MYO10: variants seen among roughly 807,000 people sequenced by gnomAD.
The protein encoded by MYO10 is unconventional myosin-X.
In MYO10, 133 loss-of-function variants were observed where a neutral mutation model predicts 257.3. That is an observed-to-expected ratio of 0.52 (90% CI 0.45 to 0.60). The LOEUF (loss-of-function observed/expected upper bound fraction) is 0.60, where lower values mean the gene tolerates loss of function less well. Among genes scored for constraint, MYO10 ranks in the 20% least tolerant of loss-of-function variants. MYO10 has a pLI of 0.00. For synonymous variants in MYO10, 1,104 were observed against 1,028.6 expected (o/e 1.07, Z -1.40); for missense variants, 2,399 against 2,635.7 (o/e 0.91, Z 1.97).
chr5:16,690,286 T>C (rs371879929), intron 27 of MYO10, among the ~76,000 whole-genome samples: 3 of 152,210 alleles, frequency 2.0e-5, no homozygotes, highest in African/African-American at 7.2e-5. Flanking sequence ...CATCCTTTTA[T>C]AGCAGGAACT....
intron 27 of MYO10, among the ~76,000 whole-genome samples, chr5:16,691,935 T>C (rs139553341): frequency 3.2e-4 from 48 of 152,204 alleles, no homozygotes; most frequent in Non-Finnish European, 6.0e-4. Flanking sequence ...CTAGAAACCA[T>C]GGGATAAGCG....
chr5:16,668,368 TG>T lies in MYO10; in HGVS notation c.5983del (p.Gln1995SerfsTer39). 2.5e-6 allele frequency: 4 copies of T among 1,614,020 alleles called. No individual in the cohort carries two copies. Among genetic ancestry groups the T allele is most frequent in the Non-Finnish European group, 3.4e-6 (4 of 1,179,894 alleles). On this transcript the variant is annotated frameshift_variant, in exon 40 of 41. Coordinates refer to ENST00000513610, the MANE Select transcript of MYO10 (RefSeq NM_012334.3). LOFTEE classifies it high-confidence loss of function. ...CCCAAAAGAGAGGATGTGTTCATAC[TG>T]GAAGACTTCCAGTGGTCTTCCCTCT... ...RGEGRPLEVF[Q>X]YEHILSFGAP... is the part of the protein sequence containing the mutation.
At chr5:16,879,391 ACTC>A (rs1475864492) in intron 1 of MYO10, among the ~76,000 whole-genome samples, 1 of 152,108 alleles carries the variant, frequency 6.6e-6, no homozygotes, top group Non-Finnish European at 1.5e-5. Context: ...ACACCAGTAA[ACTC>A]CTCATTTTAC....
chr5:16,804,908 C>T (rs1742226970), intron 3 of MYO10, among the ~76,000 whole-genome samples: 3 of 151,934 alleles, frequency 2.0e-5, no homozygotes. Context: ...GAGACCCCAC[C>T]TCAAAAAAAA....
intron 2 of MYO10, among the ~76,000 whole-genome samples, chr5:16,853,292 T>C (rs976631820): frequency 6.6e-6 from 1 of 151,440 alleles, no homozygotes; most frequent in East Asian, 1.9e-4. Flanking sequence ...GAGAATGGCA[T>C]GAACCCGAGA....
intron 28 of MYO10, among the ~76,000 whole-genome samples, chr5:16,688,812 T>A (rs994632665): frequency 1.3e-5 from 2 of 151,312 alleles, no homozygotes; most frequent in Non-Finnish European, 2.9e-5. Context: ...CCCTGCAGAC[T>A]CACAAACTCA....
chr5:16,788,583 C>T (rs1741662106), intron 4 of MYO10, among the ~76,000 whole-genome samples: 1 of 152,124 alleles, frequency 6.6e-6, no homozygotes, highest in African/African-American at 2.4e-5. Context: ...CCTGAGACAT[C>T]TCAGTGATGA....
At chr5:16,699,422 C>G (rs771914393) in intron 26 of MYO10, 28 bp downstream of exon 26, 1 of 1,610,528 alleles carries the variant, frequency 6.2e-7, no homozygotes, top group Non-Finnish European at 8.5e-7. Context: ...TCCCCCTAAC[C>G]CAGACTCCAT....
chr5:16,934,961 CT>C (rs1746393377), intron 1 of MYO10, among the ~76,000 whole-genome samples: 1 of 152,164 alleles, frequency 6.6e-6, no homozygotes, highest in Non-Finnish European at 1.5e-5. Context: ...CTTTGAGCCA[CT>C]TCAAACCTCA....
chr5:16,761,437 T>C, intron 17 of MYO10, 27 bp downstream of exon 17: 1 of 1,531,708 alleles, frequency 6.5e-7, no homozygotes, highest in Non-Finnish European at 9.0e-7. Context: ...GCTTGCTAAG[T>C]ACTTCTCGGT....
At chr5:16,748,621 AGAGG>A (rs34338717) in intron 19 of MYO10, among the ~76,000 whole-genome samples, 30,771 of 135,394 alleles carry the variant, frequency 0.23, 4,144 homozygotes, top group African/African-American at 0.39. Flanking sequence ...AGAGAGGGAG[AGAGG>A]GAGGGAGGGA....
Position 16,666,490 on chromosome 5 carries a change from AC to A in MYO10, c.*201del, listed in dbSNP as rs1736173968. ...TAGTAAAGCTTTGGAAACTGTGCAG[AC>A]TGTTAAAGTTGACAGCTTAATACAG... On this transcript the variant is annotated 3_prime_UTR_variant, in exon 41 of 41. Coordinates refer to ENST00000513610, the MANE Select transcript of MYO10 (RefSeq NM_012334.3). The A allele has an allele frequency of 1.9e-6, 1 of 535,936 alleles. No homozygotes were observed. Among genetic ancestry groups the A allele is most frequent in the Non-Finnish European group, 3.3e-6 (1 of 302,428 alleles). 33.2% of individuals were successfully genotyped at this position (535,936 alleles called of 1,614,324 possible). A position where few individuals can be genotyped will look rare whatever the true frequency, so the allele number is the denominator to read the frequency against.
At chr5:16,829,622 T>C (rs994701332) in intron 2 of MYO10, among the ~76,000 whole-genome samples, 3 of 152,106 alleles carry the variant, frequency 2.0e-5, no homozygotes, top group Middle Eastern at 3.2e-3. Flanking sequence ...AGCTCAAACC[T>C]TTCTGACAGC....
At chr5:16,717,756 T>C (rs535687281) in intron 19 of MYO10, among the ~76,000 whole-genome samples, 1 of 152,320 alleles carries the variant, frequency 6.6e-6, no homozygotes, top group East Asian at 1.9e-4. Context: ...TTAACTCCAT[T>C]TGCATCTCAT....
At chr5:16,778,246 G>A (rs979890853) in intron 9 of MYO10, among the ~76,000 whole-genome samples, 4 of 152,022 alleles carry the variant, frequency 2.6e-5, no homozygotes, top group African/African-American at 9.7e-5. Context: ...TGTTCGCAAC[G>A]CTCGATGACT....
intron 3 of MYO10, among the ~76,000 whole-genome samples, chr5:16,805,355 G>A (rs1339573836): frequency 1.3e-5 from 2 of 151,478 alleles, no homozygotes; most frequent in African/African-American, 4.9e-5. Flanking sequence ...CCAGCTACTC[G>A]GGAGGCTGAG....
intron 1 of MYO10, among the ~76,000 whole-genome samples, chr5:16,899,965 T>A (rs1286770792): frequency 2.5e-5 from 3 of 121,816 alleles, no homozygotes; most frequent in African/African-American, 3.2e-5. Context: ...AGCACTGCGC[T>A]CCAGCCTGGG....
At position 16,926,737 on chromosome 5, in the gene MYO10, A is replaced by T. The variant is rs1316701972; in HGVS notation, c.21+9051T>A. ...AAAAAAAGAACAATCTAAGAACCAC[A>T]AAGAAAGGTTCTCCACCTTGGTATT... On this transcript the variant is annotated intron_variant, in intron 1 of 40. Transcript: ENST00000513610. 2.6e-5 allele frequency among the ~76,000 whole-genome samples: 4 copies of T among 152,204 alleles called. No homozygotes were observed. In the East Asian group the frequency reaches 7.7e-4, roughly 29 times the overall value.
rs568361469 is a variant in MYO10, at chr5:16,935,722, G to A, written c.21+66C>T. The A allele has an allele frequency of 2.7e-4, 433 of 1,597,888 alleles. 1 individual carries two copies. In the South Asian group the frequency reaches 3.7e-3, roughly 14 times the overall value. On this transcript the variant is annotated intron_variant, in intron 1 of 40. Transcript: ENST00000513610. The stretch of plus-strand genomic sequence containing the variant: ...TTAGGAAAAAGTACCCAGGGCGCGC[G>A]GCGTGGTGGGCAGACGCCTCTCTCC...
Sources: gnomAD v4.1 joint callset for allele counts (sites outside exome capture counted in the v4.1 genomes callset) on GRCh38, gnomAD v4.1.1 for gene constraint, MANE v1.5 for transcripts, NCBI Gene and HGNC (gene_info 2026-07-23, HGNC 2026-07-21) for gene names.